Variants in UCMA observed in about 807,000 individuals in gnomAD.
UCMA encodes the protein upper zone of growth plate and cartilage matrix associated, also known as upper zone of growth plate and cartilage matrix-associated protein.
UCMA carries 21 observed loss-of-function variants against 21.8 expected under a neutral mutation model. The ratio of observed to expected loss-of-function variants is 0.97; its 90% confidence interval spans 0.68 to 1.39. UCMA has a LOEUF of 1.39. Ranked by LOEUF, UCMA falls within the 40% of genes most tolerant of loss-of-function variation. The pLI is 0.00. For synonymous variants in UCMA, 76 were observed against 67.9 expected (o/e 1.12, Z -0.58); for missense variants, 193 against 178.9 (o/e 1.08, Z -0.45).
At position 13,229,621 on chromosome 10, in the gene UCMA, T is replaced by C. The variant is rs1386919333; in HGVS notation, c.309A>G (p.Glu103=). 6.2e-7 allele frequency: 1 copy of C among 1,613,916 alleles called. No homozygotes were observed. The highest frequency in any genetic ancestry group is 1.7e-5 in the Admixed American group (1 of 60,004). The change falls in exon 4 of 5, where the codon GAA becomes GAG. Residue 103 remains glutamate (E), a synonymous_variant. Coordinates refer to ENST00000378681, the MANE Select transcript of UCMA (RefSeq NM_145314.3). The stretch of plus-strand genomic sequence containing the variant: ...CTGAAGAGCTCTTACCATCGTTTTG[T>C]TCCTCCACGAAGTTCTCAAATTCAT... The part of the protein sequence containing the change: ...QRNEFENFVE[E]QNDEQEERSR...
At chr10:13,226,340 A>G (rs1834823772) in intron 4 of UCMA, among the ~76,000 whole-genome samples, 1 of 152,006 alleles carries the variant, frequency 6.6e-6, no homozygotes, top group African/African-American at 2.4e-5. Context: ...CTACAGGCAC[A>G]TGCCACCAGC....
chr10:13,234,020 A>T (rs117607981), intron 1 of UCMA, among the ~76,000 whole-genome samples, 181 bp downstream of exon 1: 10,999 of 151,134 alleles, frequency 0.073, 529 homozygotes, highest in Non-Finnish European at 0.11. Context: ...ACTGTTTTTT[A>T]TTATTATTAT....
At chr10:13,229,227 C>T (rs138082151) in intron 4 of UCMA, among the ~76,000 whole-genome samples, 2,170 of 152,212 alleles carry the variant, frequency 0.014, 47 homozygotes, top group African/African-American at 0.05. Context: ...TGAGCGACTG[C>T]GCCCGGCCCT....
At chr10:13,222,445 C>A (rs574012079) in intron 4 of UCMA, among the ~76,000 whole-genome samples, 2 of 152,292 alleles carry the variant, frequency 1.3e-5, no homozygotes, top group South Asian at 4.1e-4. Context: ...GCATCTCAGG[C>A]TCTTCTGCCT....
intron 3 of UCMA, 47 bp downstream of exon 3, chr10:13,233,491 G>C (rs1306240831): frequency 1.3e-6 from 2 of 1,506,740 alleles, no homozygotes; most frequent in South Asian, 2.3e-5. Flanking sequence ...GGGGGTGTGA[G>C]CAGAGGTGGT....
intron 3 of UCMA, among the ~76,000 whole-genome samples, chr10:13,231,260 T>G (rs940067491): frequency 6.6e-6 from 1 of 152,156 alleles, no homozygotes; most frequent in African/African-American, 2.4e-5. Flanking sequence ...CCTACTTAGT[T>G]GCAGGAAACT....
intron 3 of UCMA, among the ~76,000 whole-genome samples, chr10:13,232,857 G>A (rs866624260): frequency 6.6e-6 from 1 of 152,016 alleles, no homozygotes; most frequent in Non-Finnish European, 1.5e-5. Flanking sequence ...TGAAGGGCAT[G>A]AGGACCCTGA....
chr10:13,223,409 G>A (rs990270652), intron 4 of UCMA, among the ~76,000 whole-genome samples: 4 of 152,158 alleles, frequency 2.6e-5, no homozygotes, highest in Non-Finnish European at 5.9e-5. Context: ...GTGTGTATGT[G>A]TAAAATTTCG....
chr10:13,224,749 C>G (rs1393658410), intron 4 of UCMA, among the ~76,000 whole-genome samples: 4 of 152,218 alleles, frequency 2.6e-5, no homozygotes, highest in African/African-American at 9.6e-5. Context: ...GAGCCGCGTG[C>G]TCAGGCCTAG....
intron 4 of UCMA, among the ~76,000 whole-genome samples, 181 bp downstream of exon 4, chr10:13,229,430 T>C (rs974800728): frequency 1.3e-5 from 2 of 151,688 alleles, no homozygotes; most frequent in African/African-American, 2.4e-5. Context: ...CGCTTGAACT[T>C]GGGAGGTGGA....
chr10:13,226,806 C>T (rs1274039024), intron 4 of UCMA, among the ~76,000 whole-genome samples: 2 of 152,182 alleles, frequency 1.3e-5, no homozygotes, highest in African/African-American at 4.8e-5. Context: ...CCTAGGGTCT[C>T]CTGTCTTCCT....
chr10:13,225,449 C>A (rs1834811994), intron 4 of UCMA, among the ~76,000 whole-genome samples: 1 of 152,014 alleles, frequency 6.6e-6, no homozygotes, highest in Non-Finnish European at 1.5e-5. Flanking sequence ...CCGAGGTGGG[C>A]AGATCACCTG....
intron 1 of UCMA, 113 bp from the exon 2 acceptor site, chr10:13,233,913 G>T (rs1232903412): frequency 4.4e-6 from 6 of 1,362,998 alleles, no homozygotes; most frequent in Non-Finnish European, 5.0e-6. Flanking sequence ...CTGGCAGGGG[G>T]CCCGTGGTTT....
chr10:13,227,295 G>A (rs1834834779), intron 4 of UCMA, among the ~76,000 whole-genome samples: 2 of 152,214 alleles, frequency 1.3e-5, no homozygotes, highest in African/African-American at 4.8e-5. Flanking sequence ...CAGGAGAAAT[G>A]AAAGAGCTGA....
At chr10:13,232,762 G>C (rs920323253) in intron 3 of UCMA, among the ~76,000 whole-genome samples, 2 of 152,050 alleles carry the variant, frequency 1.3e-5, no homozygotes, top group Non-Finnish European at 2.9e-5. Context: ...TCAAGCCAGA[G>C]ACTCGGGAGA....
chr10:13,229,059 C>T (rs780225805), intron 4 of UCMA, among the ~76,000 whole-genome samples: 1 of 152,074 alleles, frequency 6.6e-6, no homozygotes, highest in Non-Finnish European at 1.5e-5. Flanking sequence ...CCTCAGCCTC[C>T]TGAGTAGCTG....
chr10:13,234,270 T>C lies in UCMA; in HGVS notation c.-12A>G, dbSNP rs778557023. The C allele has an allele frequency of 1.2e-6, 2 of 1,612,876 alleles. No homozygotes were observed. Among genetic ancestry groups the C allele is most frequent in the African/African-American group, 2.7e-5 (2 of 74,812 alleles). ...TGTCTCCAAGTCATCTTTGCAGAGG[T>C]AGGGGCTCCGTCCAGGACCCACAAG... On this transcript the variant is annotated 5_prime_UTR_variant, in exon 1 of 5. Coordinates refer to ENST00000378681, the MANE Select transcript of UCMA (RefSeq NM_145314.3).
chr10:13,226,198 A>ATTT (rs35217195), intron 4 of UCMA, among the ~76,000 whole-genome samples: 3,933 of 140,568 alleles, frequency 0.028, 124 homozygotes, highest in African/African-American at 0.082. Context: ...TTTGTTGTGG[A>ATTT]TTTTTTTTTT....
chr10:13,233,190 T>C (rs1219938075), intron 3 of UCMA, among the ~76,000 whole-genome samples: 3 of 152,100 alleles, frequency 2.0e-5, no homozygotes, highest in African/African-American at 7.2e-5. Context: ...GACCAGAATA[T>C]AGATTTCCCT....
Sources: gnomAD v4.1 joint callset for allele counts (sites outside exome capture counted in the v4.1 genomes callset) on GRCh38, gnomAD v4.1.1 for gene constraint, MANE v1.5 for transcripts, NCBI Gene and HGNC (gene_info 2026-07-23, HGNC 2026-07-21) for gene names.